Variants in DLGAP4 observed in about 807,000 individuals in gnomAD.
The protein encoded by DLGAP4 is DLG associated protein 4.
In DLGAP4, 18 loss-of-function variants were observed where a neutral mutation model predicts 86.9. The observed-to-expected ratio is 0.21, with a 90% CI of 0.14 to 0.31. DLGAP4 has a LOEUF of 0.31. Ranked by LOEUF, DLGAP4 falls within the 10% of genes least tolerant of loss-of-function variation. DLGAP4 has a pLI of 1.00. For missense variants in DLGAP4, 1,085 were observed against 1,362.6 expected (o/e 0.80, Z 3.21); for synonymous variants, 548 against 574.3 (o/e 0.95, Z 0.65).
At chr20:36,388,142 T>A (rs2031663065) in intron 2 of DLGAP4, among the ~76,000 whole-genome samples, 1 of 152,200 alleles carries the variant, frequency 6.6e-6, no homozygotes, top group South Asian at 2.1e-4. Flanking sequence ...CTGCCACAGA[T>A]AGCTGTATTA....
chr20:36,482,861 A>G (rs1236204872), intron 7 of DLGAP4, among the ~76,000 whole-genome samples: 1 of 152,014 alleles, frequency 6.6e-6, no homozygotes, highest in Non-Finnish European at 1.5e-5. Flanking sequence ...TAGTAGAGAC[A>G]GGGTTTCACC....
At chr20:36,411,149 C>A (rs528381867) in intron 2 of DLGAP4, among the ~76,000 whole-genome samples, 40 of 152,276 alleles carry the variant, frequency 2.6e-4, no homozygotes, top group Middle Eastern at 3.4e-3. Context: ...GCCATCGCAC[C>A]CAGCTAATTT....
At chr20:36,516,218 C>T (rs2037025760) in intron 10 of DLGAP4, among the ~76,000 whole-genome samples, 2 of 152,226 alleles carry the variant, frequency 1.3e-5, no homozygotes, top group African/African-American at 2.4e-5. Context: ...ACACAGATCA[C>T]TTGTTTTCAG....
At chr20:36,401,516 A>T (rs370522113) in intron 2 of DLGAP4, among the ~76,000 whole-genome samples, 9 of 152,188 alleles carry the variant, frequency 5.9e-5, no homozygotes, top group East Asian at 3.9e-4. Context: ...TGGGTTTGCA[A>T]CATTGCCCTT....
rs1168704630 is a variant in DLGAP4, at chr20:36,442,724, C to A, written c.1357-3C>A. 3.7e-6 allele frequency: 6 copies of A among 1,614,206 alleles called. No homozygotes were observed. Among genetic ancestry groups the A allele is most frequent in the Non-Finnish European group, 4.2e-6 (5 of 1,180,032 alleles). ...CATAACCCTCACCCTCTCTTTCCTG[C>A]AGATTTTTGGACAGGCCTCCCTGAT... On this transcript the variant is annotated splice_polypyrimidine_tract_variant and splice_region_variant and intron_variant, in intron 5 of 12. Coordinates refer to ENST00000339266, the MANE Select transcript of DLGAP4 (RefSeq NM_001365621.2).
At chr20:36,481,734 G>A (rs148719098) in intron 7 of DLGAP4, among the ~76,000 whole-genome samples, 17 of 152,278 alleles carry the variant, frequency 1.1e-4, no homozygotes, top group African/African-American at 3.9e-4. Flanking sequence ...TCCCTGTGTG[G>A]ATCACCTTCT....
At chr20:36,499,798 G>T in intron 9 of DLGAP4, 122 bp downstream of exon 9, 1 of 968,474 alleles carries the variant, frequency 1.0e-6, no homozygotes. Context: ...GCTGGGTTTG[G>T]GTTGCGGGTG....
At chr20:36,408,041 A>G (rs4603833) in intron 2 of DLGAP4, among the ~76,000 whole-genome samples, 129,914 of 151,780 alleles carry the variant, frequency 0.86, 56,167 homozygotes, top group East Asian at 1. Flanking sequence ...TCGGAGCTCC[A>G]AAGGGCCCTT....
At chr20:36,359,645 G>A (rs563776112) in intron 1 of DLGAP4, among the ~76,000 whole-genome samples, 1 of 152,282 alleles carries the variant, frequency 6.6e-6, no homozygotes, top group South Asian at 2.1e-4. Context: ...CAAAGCTGTG[G>A]GTTCAAGGAG....
At chr20:36,436,496 T>C in intron 4 of DLGAP4, 146 bp downstream of exon 4, 2 of 1,343,154 alleles carry the variant, frequency 1.5e-6, no homozygotes, top group Non-Finnish European at 2.0e-6. Flanking sequence ...CACTCATGAG[T>C]CCTGCTTCTT....
chr20:36,466,925 GCTCTCT>G lies in DLGAP4; in HGVS notation c.1648+20003_1648+20008del, dbSNP rs545978839. Among the ~76,000 whole-genome samples the G allele has an allele frequency of 4.1e-3, 534 of 131,058 alleles. 1 individual carries two copies. Among genetic ancestry groups the G allele is most frequent in the African/African-American group, 0.014 (475 of 35,058 alleles). 86.0% of individuals were successfully genotyped at this position (131,058 alleles called of 152,430 possible). A position where few individuals can be genotyped will look rare whatever the true frequency, so the allele number is the denominator to read the frequency against. ...TGGTCAAAGCGAGTCTCTCGCTCTT[GCTCTCT>G]CTCTCTCTCTCTCTGTCTCTCTCTC... On this transcript the variant is annotated intron_variant, in intron 7 of 12. Coordinates refer to ENST00000339266, the MANE Select transcript of DLGAP4 (RefSeq NM_001365621.2).
chr20:36,525,295 C>T (rs1210293282), intron 11 of DLGAP4, among the ~76,000 whole-genome samples: 1 of 146,410 alleles, frequency 6.8e-6, no homozygotes, highest in East Asian at 2.1e-4. Flanking sequence ...TTGGCTTTCT[C>T]CCTCCCTCTT....
chr20:36,461,096 G>T (rs1010155486), intron 7 of DLGAP4, among the ~76,000 whole-genome samples: 2 of 152,076 alleles, frequency 1.3e-5, no homozygotes, highest in South Asian at 2.1e-4. Flanking sequence ...AGGTGTCGCT[G>T]GGGTGAACTG....
At chr20:36,396,189 G>T (rs1389804713) in intron 2 of DLGAP4, among the ~76,000 whole-genome samples, 1 of 151,878 alleles carries the variant, frequency 6.6e-6, no homozygotes, top group Non-Finnish European at 1.5e-5. Context: ...GGGTGACCTT[G>T]GGCCAGCATC....
intron 1 of DLGAP4, among the ~76,000 whole-genome samples, chr20:36,365,040 A>C (rs782274553): frequency 1.3e-5 from 2 of 152,232 alleles, no homozygotes; most frequent in Non-Finnish European, 2.9e-5. Flanking sequence ...GGCTACAGTG[A>C]GCTATGATTG....
At position 36,494,826 on chromosome 20, in the gene DLGAP4, G is replaced by A. The variant is rs183715467; in HGVS notation, c.1649-1879G>A. Among the ~76,000 whole-genome samples, 56 of 152,196 alleles carry A rather than the reference G, an allele frequency of 3.7e-4. No individual in the cohort carries two copies. In the East Asian group the frequency reaches 6.0e-3, roughly 16 times the overall value. On this transcript the variant is annotated intron_variant, in intron 7 of 12. Transcript: ENST00000339266. ...CTGTTCTCTAGGTCATTTCAAGAAT[G>A]TTATAGGCCAGGCACAGTGGCTCAC...
intron 10 of DLGAP4, among the ~76,000 whole-genome samples, chr20:36,513,702 G>T (rs1008250546): frequency 1.3e-5 from 2 of 152,100 alleles, no homozygotes; most frequent in African/African-American, 2.4e-5. Context: ...TTTAATGGAG[G>T]AATCAGACTG....
chr20:36,363,885 A>G (rs1600436439), intron 1 of DLGAP4, among the ~76,000 whole-genome samples: 1 of 152,272 alleles, frequency 6.6e-6, no homozygotes, highest in East Asian at 1.9e-4. Context: ...GATCGTGGCA[A>G]TGGTTACCTC....
chr20:36,457,553 G>A (rs2033910259), intron 7 of DLGAP4, among the ~76,000 whole-genome samples: 2 of 151,960 alleles, frequency 1.3e-5, no homozygotes, highest in South Asian at 2.1e-4. Flanking sequence ...GCTAATTTTT[G>A]TATTTTTAGT....
Sources: allele counts gnomAD v4.1 joint callset (sites outside exome capture counted in the v4.1 genomes callset), GRCh38; gene constraint gnomAD v4.1.1; transcripts MANE v1.5; gene names NCBI Gene and HGNC (gene_info 2026-07-23, HGNC 2026-07-21).